Variants in PLCXD3 observed in about 807,000 individuals in gnomAD.
The protein encoded by PLCXD3 is phosphatidylinositol specific phospholipase C X domain containing 3, also known as PI-PLC X domain-containing protein 3.
Under a neutral mutation model 25.5 loss-of-function variants are expected in PLCXD3, and 19 were observed. That is an observed-to-expected ratio of 0.75 (90% confidence interval 0.52 to 1.09). The LOEUF is 1.09. Ranked by LOEUF, PLCXD3 falls within the 50% of genes least tolerant of loss-of-function variation. PLCXD3 has a pLI of 0.00. For missense variants in PLCXD3, 411 were observed against 388.1 expected, an observed-to-expected ratio of 1.06 and a Z score of -0.50; for synonymous variants, 174 against 137.6, an observed-to-expected ratio of 1.26 and a Z score of -1.85.
intron 1 of PLCXD3, among the ~76,000 whole-genome samples, chr5:41,468,185 T>G (rs920833307): frequency 6.6e-6 from 1 of 151,692 alleles, no homozygotes; most frequent in African/African-American, 2.4e-5. Context: ...GCCCAGCTGA[T>G]TTTTGTATTT....
intron 2 of PLCXD3, among the ~76,000 whole-genome samples, chr5:41,331,673 C>T (rs528941597): frequency 2.1e-4 from 32 of 152,206 alleles, no homozygotes; most frequent in African/African-American, 6.3e-4. Context: ...GGAGGCATCA[C>T]GCTACCTGAC....
chr5:41,408,687 C>T (rs1346339349), intron 1 of PLCXD3, among the ~76,000 whole-genome samples: 3 of 152,106 alleles, frequency 2.0e-5, no homozygotes, highest in Admixed American at 1.3e-4. Flanking sequence ...AGTCAATCCG[C>T]ACATCTTTAT....
intron 1 of PLCXD3, among the ~76,000 whole-genome samples, chr5:41,469,455 T>G (rs1265992284): frequency 6.6e-6 from 1 of 151,704 alleles, no homozygotes; most frequent in African/African-American, 2.4e-5. Context: ...CTTCTTTAAA[T>G]GTTTGGTAGA....
At chr5:41,483,465 C>T (rs1163474534) in intron 1 of PLCXD3, among the ~76,000 whole-genome samples, 4 of 151,954 alleles carry the variant, frequency 2.6e-5, no homozygotes, top group South Asian at 2.1e-4. Flanking sequence ...AAAAGGTTGT[C>T]GCTGTAAAAA....
intron 2 of PLCXD3, among the ~76,000 whole-genome samples, chr5:41,317,331 C>G (rs1040591224): frequency 3.1e-4 from 47 of 152,218 alleles, no homozygotes; most frequent in Non-Finnish European, 1.2e-4. Flanking sequence ...AAAGCAGATA[C>G]AGTTTAGATC....
In PLCXD3 at chr5:41,326,667, A is replaced by T. The variant is rs143954780; in HGVS notation, c.813-12897T>A. ...CCATTTAAGATTTGGCCTGGGCATT[A>T]TCTCAACCCCTCCCATCCAAATCTG... On this transcript the variant is annotated intron_variant, in intron 2 of 2. Transcript: ENST00000377801. 3.7e-4 allele frequency among the ~76,000 whole-genome samples: 57 copies of T among 152,218 alleles called. No homozygotes were observed. The East Asian group carries it at 7.0e-3, about 19-fold the overall frequency.
At chr5:41,380,315 T>A (rs964571947) in intron 2 of PLCXD3, among the ~76,000 whole-genome samples, 1 of 152,102 alleles carries the variant, frequency 6.6e-6, no homozygotes, top group Non-Finnish European at 1.5e-5. Context: ...ATCATTTTAA[T>A]TTTCATTGCT....
At position 41,381,301 on chromosome 5, in the gene PLCXD3, T is replaced by C. The variant is rs150644848; in HGVS notation, c.812+525A>G. Among the ~76,000 whole-genome samples, 1,205 of 152,236 alleles carry C rather than the reference T, an allele frequency of 7.9e-3. 10 individuals carry two copies. Among genetic ancestry groups the C allele is most frequent in the African/African-American group, 0.027 (1,103 of 41,560 alleles). On this transcript the variant is annotated intron_variant, in intron 2 of 2. Transcript: ENST00000377801. Reference sequence around the variant, plus strand: ...AGTCAAAATACATGGTGTTATGGGTTGATCTGTGGTCCACAAAAATACACG... The same window carrying C: ...AGTCAAAATACATGGTGTTATGGGTCGATCTGTGGTCCACAAAAATACACG...
At chr5:41,396,242 T>C (rs1177617458) in intron 1 of PLCXD3, among the ~76,000 whole-genome samples, 1 of 152,106 alleles carries the variant, frequency 6.6e-6, no homozygotes, top group Non-Finnish European at 1.5e-5. Context: ...GGTGGTAGAT[T>C]TCCCCCTTGC....
At chr5:41,461,500 C>A (rs1463017400) in intron 1 of PLCXD3, among the ~76,000 whole-genome samples, 1 of 151,974 alleles carries the variant, frequency 6.6e-6, no homozygotes, top group Non-Finnish European at 1.5e-5. Context: ...TGCTACAAAA[C>A]CATGGTGGTT....
intron 1 of PLCXD3, among the ~76,000 whole-genome samples, chr5:41,484,269 A>ACACCCC (rs569581123): frequency 4.1e-5 from 6 of 146,076 alleles, no homozygotes; most frequent in African/African-American, 1.5e-4. Context: ...ACACACACAC[A>ACACCCC]CACTAACTGT....
At chr5:41,503,659 A>T (rs1748998773) in intron 1 of PLCXD3, among the ~76,000 whole-genome samples, 1 of 152,148 alleles carries the variant, frequency 6.6e-6, no homozygotes, top group Non-Finnish European at 1.5e-5. Context: ...CACCTGAACC[A>T]TGATTAAATT....
At chr5:41,359,968 C>T (rs1044032492) in intron 2 of PLCXD3, among the ~76,000 whole-genome samples, 1 of 152,046 alleles carries the variant, frequency 6.6e-6, no homozygotes, top group African/African-American at 2.4e-5. Flanking sequence ...TCAGGAATAC[C>T]AATTATTCTT....
chr5:41,467,304 T>C (rs185280307), intron 1 of PLCXD3, among the ~76,000 whole-genome samples: 167 of 152,332 alleles, frequency 1.1e-3, no homozygotes, highest in African/African-American at 3.8e-3. Flanking sequence ...GAATGATTAG[T>C]GATGATGAGC....
chr5:41,395,120 A>C (rs1745961879), intron 1 of PLCXD3, among the ~76,000 whole-genome samples: 1 of 152,178 alleles, frequency 6.6e-6, no homozygotes, highest in Non-Finnish European at 1.5e-5. Flanking sequence ...AATAATATCA[A>C]GCATCTTCTC....
chr5:41,325,366 A>T lies in PLCXD3; in HGVS notation c.813-11596T>A, dbSNP rs373524345. Among the ~76,000 whole-genome samples, 8 of 152,326 alleles carry T rather than the reference A, an allele frequency of 5.3e-5. 1 individual carries two copies. Among genetic ancestry groups the T allele is most frequent in the African/African-American group, 1.9e-4 (8 of 41,574 alleles). Reference sequence around the variant, plus strand: ...AAGTAGAATTATGTTAAACAAAAAGACTCACTGTACTGGATTAAAACTAGC... The same window carrying T: ...AAGTAGAATTATGTTAAACAAAAAGTCTCACTGTACTGGATTAAAACTAGC... On this transcript the variant is annotated intron_variant, in intron 2 of 2. Coordinates refer to ENST00000377801, the MANE Select transcript of PLCXD3 (RefSeq NM_001005473.3).
chr5:41,389,007 T>C (rs1745727008), intron 1 of PLCXD3, among the ~76,000 whole-genome samples: 1 of 151,834 alleles, frequency 6.6e-6, no homozygotes, highest in Non-Finnish European at 1.5e-5. Flanking sequence ...ACAAGCACAC[T>C]CATAAAATTT....
At chr5:41,372,500 G>A (rs1325994049) in intron 2 of PLCXD3, among the ~76,000 whole-genome samples, 1 of 152,072 alleles carries the variant, frequency 6.6e-6, no homozygotes, top group Non-Finnish European at 1.5e-5. Flanking sequence ...GAGAAAGAGA[G>A]TTTTTATGTG....
rs1484295032 is a variant in PLCXD3, at chr5:41,310,460, A to C, written c.*3157T>G. ...AGTCTTAAGAAACAAGTAAAACAAA[A>C]AGTGCACCAAGGTGTATCTACCACC... is the stretch of plus-strand genomic sequence containing the variant. On this transcript the variant is annotated 3_prime_UTR_variant, in exon 3 of 3. Coordinates refer to ENST00000377801, the MANE Select transcript of PLCXD3 (RefSeq NM_001005473.3). 1 of 152,344 alleles carries C rather than the reference A, an allele frequency of 6.6e-6. No individual in the cohort carries two copies. Among genetic ancestry groups the C allele is most frequent in the East Asian group, 1.9e-4 (1 of 5,192 alleles). 9.4% of individuals were successfully genotyped at this position (152,344 alleles called of 1,614,324 possible).
Sources: allele counts gnomAD v4.1 joint callset (sites outside exome capture counted in the v4.1 genomes callset), GRCh38; gene constraint gnomAD v4.1.1; transcripts MANE v1.5; gene names NCBI Gene and HGNC (gene_info 2026-07-23, HGNC 2026-07-21).